LPP: variants seen among roughly 807,000 people sequenced by gnomAD.
LPP encodes lipoma-preferred partner.
Under a neutral mutation model 60.4 loss-of-function variants are expected in LPP, and 38 were observed. That is an observed-to-expected ratio of 0.63 (90% CI 0.49 to 0.83). LPP has a LOEUF of 0.83. Among genes scored for constraint, LPP ranks in the 40% least tolerant of loss-of-function variants. LPP has a pLI of 0.00. For missense variants in LPP, 902 were observed against 783.6 expected, an observed-to-expected ratio of 1.15 and a Z score of -1.80; for synonymous variants, 328 against 290.8, an observed-to-expected ratio of 1.13 and a Z score of -1.30.
rs953116283 is a variant in LPP at position 188,887,875 on chromosome 3, A to G, written c.*13396A>G. 3.8e-5 allele frequency: 8 copies of G among 211,906 alleles called. No homozygotes were observed. Among genetic ancestry groups the G allele is most frequent in the Non-Finnish European group, 7.6e-5 (8 of 104,660 alleles). The allele number at this position is 211,906 out of a possible 1,614,324, so 13.1% of individuals were successfully genotyped here. ...TCTTGGGAAAGCTGATGAGCAAATT[A>G]TCCAAGACTCATTTCTTTATTAGGC... On this transcript the variant is annotated 3_prime_UTR_variant, in exon 12 of 12. Coordinates refer to ENST00000617246, the MANE Select transcript of LPP (RefSeq NM_001375462.1).
intron 3 of LPP, among the ~76,000 whole-genome samples, chr3:188,375,353 A>G (rs923647750): frequency 6.6e-6 from 1 of 152,086 alleles, no homozygotes; most frequent in Non-Finnish European, 1.5e-5. Flanking sequence ...TTTTTTGGTC[A>G]GTAAGCTATT....
chr3:188,380,839 C>G (rs961602365), intron 3 of LPP, among the ~76,000 whole-genome samples: 1 of 152,238 alleles, frequency 6.6e-6, no homozygotes, highest in Non-Finnish European at 1.5e-5. Context: ...AGTATTTACA[C>G]TATGCCTTGT....
intron 5 of LPP, among the ~76,000 whole-genome samples, chr3:188,491,848 G>A (rs769346997): frequency 2.0e-5 from 3 of 152,182 alleles, no homozygotes; most frequent in Non-Finnish European, 4.4e-5. Flanking sequence ...GAGTCCAGGG[G>A]AGTATTCCAA....
intron 3 of LPP, among the ~76,000 whole-genome samples, chr3:188,392,686 G>T (rs950043043): frequency 6.6e-6 from 1 of 151,886 alleles, no homozygotes; most frequent in African/African-American, 2.4e-5. Context: ...ATAGGTAAAA[G>T]AAATTTCCAA....
At chr3:188,838,063 T>C (rs894726082) in intron 9 of LPP, among the ~76,000 whole-genome samples, 1 of 152,168 alleles carries the variant, frequency 6.6e-6, no homozygotes, top group African/African-American at 2.4e-5. Flanking sequence ...CCTAGTCTTG[T>C]TTGGTTGGGT....
At chr3:188,172,830 T>G (rs1197021936) in intron 1 of LPP, among the ~76,000 whole-genome samples, 1 of 152,174 alleles carries the variant, frequency 6.6e-6, no homozygotes, top group Non-Finnish European at 1.5e-5. Context: ...ATACCCAGTT[T>G]AGGATCATTT....
At chr3:188,486,387 G>A (rs1411456613) in intron 5 of LPP, among the ~76,000 whole-genome samples, 7 of 152,052 alleles carry the variant, frequency 4.6e-5, no homozygotes, top group Admixed American at 4.6e-4. Flanking sequence ...AAAGTTAGTG[G>A]GACTAGTGGA....
At chr3:188,574,360 G>A (rs555214230) in intron 6 of LPP, among the ~76,000 whole-genome samples, 14 of 152,250 alleles carry the variant, frequency 9.2e-5, no homozygotes, top group Middle Eastern at 3.4e-3. Context: ...TTGCTCCAGC[G>A]AACACGCTAT....
intron 4 of LPP, among the ~76,000 whole-genome samples, chr3:188,427,383 A>T (rs1367371466): frequency 6.6e-6 from 1 of 152,062 alleles, no homozygotes; most frequent in Non-Finnish European, 1.5e-5. Flanking sequence ...GCTGCCCTTA[A>T]CATTTTTTCC....
At chr3:188,858,219 G>A (rs956400426) in intron 9 of LPP, among the ~76,000 whole-genome samples, 5 of 151,998 alleles carry the variant, frequency 3.3e-5, no homozygotes, top group Admixed American at 3.3e-4. Flanking sequence ...GACTTGTCTC[G>A]GAAGGAAAGG....
intron 8 of LPP, among the ~76,000 whole-genome samples, chr3:188,729,125 A>C (rs1719497703): frequency 6.6e-6 from 1 of 152,222 alleles, no homozygotes. Flanking sequence ...AAGTAGAGAA[A>C]GAGAAGAAAG....
chr3:188,492,439 A>G (rs756784765), intron 5 of LPP, among the ~76,000 whole-genome samples: 3 of 152,134 alleles, frequency 2.0e-5, no homozygotes, highest in Non-Finnish European at 2.9e-5. Context: ...TCACACCTGT[A>G]ATACCAGTAC....
intron 2 of LPP, among the ~76,000 whole-genome samples, chr3:188,226,256 G>A (rs960598518): frequency 2.6e-5 from 4 of 152,198 alleles, no homozygotes; most frequent in Admixed American, 6.5e-5. Flanking sequence ...TAATCCACCC[G>A]CCTCAGCCTC....
At chr3:188,665,727 C>T (rs1855650941) in intron 7 of LPP, among the ~76,000 whole-genome samples, 1 of 152,146 alleles carries the variant, frequency 6.6e-6, no homozygotes, top group African/African-American at 2.4e-5. Context: ...TCCCAAAGTG[C>T]TGGGATTACA....
chr3:188,595,519 A>G (rs1839820900), intron 6 of LPP, among the ~76,000 whole-genome samples: 1 of 152,166 alleles, frequency 6.6e-6, no homozygotes, highest in African/African-American at 2.4e-5. Flanking sequence ...ACCATGGTCA[A>G]AATAATGGTG....
chr3:188,654,796 A>G (rs779894300), intron 7 of LPP, among the ~76,000 whole-genome samples: 1 of 152,210 alleles, frequency 6.6e-6, no homozygotes, highest in Non-Finnish European at 1.5e-5. Flanking sequence ...TCCTTTCACA[A>G]ATAAATTCCA....
intron 9 of LPP, among the ~76,000 whole-genome samples, chr3:188,843,798 A>AAAAAAAAAAAAAAAAAAG (rs57942081): frequency 6.7e-6 from 1 of 148,638 alleles, no homozygotes; most frequent in South Asian, 2.1e-4. Flanking sequence ...AAAAAAAAAA[A>AAAAAAAAAAAAAAAAAAG]TCCTTCCTCT....
At chr3:188,443,602 T>C (rs769840545) in intron 4 of LPP, among the ~76,000 whole-genome samples, 20 of 152,210 alleles carry the variant, frequency 1.3e-4, no homozygotes, top group Non-Finnish European at 2.6e-4. Context: ...GGGATGAGTT[T>C]CATGTCCTTT....
intron 2 of LPP, among the ~76,000 whole-genome samples, chr3:188,284,451 G>A (rs909538856): frequency 6.6e-6 from 1 of 152,108 alleles, no homozygotes; most frequent in African/African-American, 2.4e-5. Flanking sequence ...GAGGCCCAAG[G>A]GGGAGGTGGA....
Sources: gnomAD v4.1 joint callset for allele counts (sites outside exome capture counted in the v4.1 genomes callset) on GRCh38, gnomAD v4.1.1 for gene constraint, MANE v1.5 for transcripts, NCBI Gene and HGNC (gene_info 2026-07-23, HGNC 2026-07-21) for gene names.